Variants in ANXA4 observed in about 807,000 individuals in gnomAD.
ANXA4 encodes the protein 35-beta calcimedin.
ANXA4 carries 39 observed loss-of-function variants against 49.8 expected under a neutral mutation model. The observed-to-expected ratio is 0.78, with a 90% CI of 0.61 to 1.02. The LOEUF is 1.02. Ranked by LOEUF, ANXA4 falls within the 50% of genes least tolerant of loss-of-function variation. The pLI, the probability that ANXA4 is intolerant of heterozygous loss-of-function variation, is 0.00. For synonymous variants in ANXA4, 134 were observed against 152.5 expected (o/e 0.88, Z 0.89); for missense variants, 360 against 410.1 (o/e 0.88, Z 1.05).
intron 2 of ANXA4, among the ~76,000 whole-genome samples, chr2:69,697,335 C>A (rs1016484560): frequency 6.6e-6 from 1 of 152,218 alleles, no homozygotes; most frequent in Non-Finnish European, 1.5e-5. Context: ...CCTTACGTCT[C>A]CCAGCCTTCG....
At chr2:69,789,505 T>G (rs1488381018) in intron 3 of ANXA4, among the ~76,000 whole-genome samples, 1 of 152,116 alleles carries the variant, frequency 6.6e-6, no homozygotes, top group African/African-American at 2.4e-5. Context: ...TTTGGTGTCA[T>G]GGCCAAGGAG....
chr2:69,802,242 G>A (rs756593969), intron 3 of ANXA4, among the ~76,000 whole-genome samples: 30 of 152,192 alleles, frequency 2.0e-4, no homozygotes, highest in Non-Finnish European at 4.3e-4. Flanking sequence ...AGACCAACCA[G>A]GAGTTAAGAA....
At chr2:69,758,191 T>G (rs1013308529) in intron 1 of ANXA4, among the ~76,000 whole-genome samples, 1 of 152,186 alleles carries the variant, frequency 6.6e-6, no homozygotes, top group Admixed American at 6.5e-5. Context: ...TTTTGTGTTT[T>G]TTGTAGAGAC....
chr2:69,804,855 G>A (rs1266871627), intron 4 of ANXA4, among the ~76,000 whole-genome samples: 2 of 151,942 alleles, frequency 1.3e-5, no homozygotes, highest in African/African-American at 4.8e-5. Flanking sequence ...AGACCAACCT[G>A]GCCAACATGG....
chr2:69,779,772 G>A (rs556182027), intron 1 of ANXA4, among the ~76,000 whole-genome samples: 2 of 152,268 alleles, frequency 1.3e-5, no homozygotes, highest in South Asian at 4.1e-4. Flanking sequence ...GTTCACTTTG[G>A]CTTTTCCAAC....
At chr2:69,671,045 A>AAG (rs1677163355) in intron 2 of ANXA4, among the ~76,000 whole-genome samples, 1 of 151,280 alleles carries the variant, frequency 6.6e-6, no homozygotes, top group Admixed American at 6.6e-5. Context: ...AAAAAAAAAA[A>AAG]AAAAGAAGGG....
chr2:69,728,530 AATCT>A (rs1670019456), intron 3 of ANXA4, among the ~76,000 whole-genome samples: 3 of 152,308 alleles, frequency 2.0e-5, no homozygotes, highest in Admixed American at 2.0e-4. Flanking sequence ...TTGAATGGCC[AATCT>A]ATCTGTGATT....
chr2:69,824,504 G>GAAA (rs70954363), intron 12 of ANXA4, among the ~76,000 whole-genome samples: 1 of 84,844 alleles, frequency 1.2e-5, no homozygotes, highest in Non-Finnish European at 2.4e-5. Context: ...CTCCGTCTCA[G>GAAA]AAAAAAAAAA....
intron 2 of ANXA4, among the ~76,000 whole-genome samples, chr2:69,658,627 A>C (rs1392829215): frequency 1.3e-5 from 2 of 152,196 alleles, no homozygotes; most frequent in African/African-American, 4.8e-5. Flanking sequence ...GCACCTTTTC[A>C]ATACAATATT....
chr2:69,654,601 A>G (rs1263738664), intron 2 of ANXA4, among the ~76,000 whole-genome samples: 3 of 152,200 alleles, frequency 2.0e-5, no homozygotes. Context: ...TGACTTGCAT[A>G]TGTTGAACCA....
At chr2:69,727,008 G>A (rs1487299559) in intron 3 of ANXA4, among the ~76,000 whole-genome samples, 2 of 151,890 alleles carry the variant, frequency 1.3e-5, no homozygotes, top group Non-Finnish European at 2.9e-5. Context: ...TCAGCCTCCC[G>A]AGTAGCTGGG....
At chr2:69,704,630 G>A (rs1678432837) in intron 2 of ANXA4, among the ~76,000 whole-genome samples, 1 of 152,208 alleles carries the variant, frequency 6.6e-6, no homozygotes, top group Non-Finnish European at 1.5e-5. Flanking sequence ...CATTCACAGA[G>A]CAGTGGTCTC....
At chr2:69,778,751 G>A (rs1358147157) in intron 1 of ANXA4, among the ~76,000 whole-genome samples, 8 of 138,652 alleles carry the variant, frequency 5.8e-5, no homozygotes, top group African/African-American at 2.2e-4. Flanking sequence ...CTCCAGCCTG[G>A]GCAACGAGAG....
rs5831985 is a variant in ANXA4, at chr2:69,826,780, TAAAAAAA to T, written c.*1278_*1284del. ...CTGGGCGACAGAGCGAGAATCCATC[TAAAAAAA>T]AAAAAAAAAAAAGTGTCTTTAAAGT... On this transcript the variant is annotated 3_prime_UTR_variant, in exon 13 of 13. Coordinates refer to ENST00000394295, the MANE Select transcript of ANXA4 (RefSeq NM_001153.5). 8.1e-6 allele frequency: 1 copy of T among 123,202 alleles called. No homozygotes were observed. The highest frequency in any genetic ancestry group is 3.0e-5 in the African/African-American group (1 of 33,276). 7.6% of individuals were successfully genotyped at this position (123,202 alleles called of 1,614,324 possible).
At chr2:69,756,079 CA>C (rs1005744205) in intron 1 of ANXA4, among the ~76,000 whole-genome samples, 2 of 152,218 alleles carry the variant, frequency 1.3e-5, no homozygotes, top group African/African-American at 4.8e-5. Context: ...CAAAGATTTA[CA>C]CCAAAAAAGT....
chr2:69,767,190 A>G (rs1489967587), intron 1 of ANXA4, among the ~76,000 whole-genome samples: 1 of 152,208 alleles, frequency 6.6e-6, no homozygotes, highest in Non-Finnish European at 1.5e-5. Flanking sequence ...AAAGCCCATA[A>G]TGTTTTCAGT....
At position 69,656,241 on chromosome 2, in the gene ANXA4, G is replaced by A. The variant is rs1055120017; in HGVS notation, n.766+2959G>A. On this transcript the variant is annotated intron_variant and non_coding_transcript_variant, in intron 2 of 3. Coordinates refer to the ANXA4 transcript ENST00000418066. ...TATATGTATATATGTATATATATAC[G>A]TATATATATGTATATACGTATATAT... Among the ~76,000 whole-genome samples the A allele has an allele frequency of 1.3e-4, 14 of 109,992 alleles. 1 individual carries two copies. Among genetic ancestry groups the A allele is most frequent in the East Asian group, 7.9e-4 (2 of 2,534 alleles). The allele number at this position is 109,992 out of a possible 152,430, so 72.2% of individuals were successfully genotyped here.
chr2:69,764,260 C>T (rs1245901243), intron 1 of ANXA4, among the ~76,000 whole-genome samples: 2 of 152,180 alleles, frequency 1.3e-5, no homozygotes, highest in Admixed American at 1.3e-4. Context: ...TAATAGTTTA[C>T]CAATGGTGTT....
intron 2 of ANXA4, among the ~76,000 whole-genome samples, chr2:69,703,863 A>G (rs1678408234): frequency 1.3e-5 from 2 of 152,126 alleles, no homozygotes; most frequent in Non-Finnish European, 2.9e-5. Flanking sequence ...TACGTTGCTC[A>G]GGCTGGATTC....
Sources: gnomAD v4.1 joint callset for allele counts (sites outside exome capture counted in the v4.1 genomes callset) on GRCh38, gnomAD v4.1.1 for gene constraint, MANE v1.5 for transcripts, NCBI Gene and HGNC (gene_info 2026-07-23, HGNC 2026-07-21) for gene names.